SCN9A: variants seen among roughly 807,000 people sequenced by gnomAD.
The protein encoded by SCN9A is sodium voltage-gated channel alpha subunit 9.
SCN9A carries 131 observed loss-of-function variants against 187.0 expected under a neutral mutation model. The observed-to-expected ratio is 0.70, with a 90% confidence interval of 0.61 to 0.81. SCN9A has a LOEUF of 0.81. Among genes scored for constraint, SCN9A ranks in the 30% least tolerant of loss-of-function variants. SCN9A has a pLI of 0.00. For missense variants in SCN9A, 2,252 were observed against 2,396.6 expected (o/e 0.94, Z 1.26); for synonymous variants, 809 against 808.6 (o/e 1.00, Z -0.01).
At chr2:166,343,192 A>G (rs557732835) in intron 1 of SCN9A, among the ~76,000 whole-genome samples, 2 of 152,160 alleles carry the variant, frequency 1.3e-5, no homozygotes, top group African/African-American at 2.4e-5. Context: ...TATAGGAAAA[A>G]AATTATAGAT....
chr2:166,368,393 G>A (rs1171375373), intron 1 of SCN9A, among the ~76,000 whole-genome samples: 1 of 152,162 alleles, frequency 6.6e-6, no homozygotes, highest in Non-Finnish European at 1.5e-5. Flanking sequence ...CAACACTTTA[G>A]AAGGCCGAGG....
intron 17 of SCN9A, among the ~76,000 whole-genome samples, chr2:166,264,797 T>C (rs879380244): frequency 4.6e-5 from 7 of 151,896 alleles, no homozygotes; most frequent in Admixed American, 4.6e-4. Context: ...GTGATGTTTT[T>C]TCCCCTTGCT....
At chr2:166,217,886 A>G (rs1694404054) in intron 24 of SCN9A, among the ~76,000 whole-genome samples, 1 of 152,058 alleles carries the variant, frequency 6.6e-6, no homozygotes, top group Non-Finnish European at 1.5e-5. Context: ...TAATTCCTTT[A>G]GAGGAATTAA....
At chr2:166,317,613 T>A (rs538840251) in intron 1 of SCN9A, among the ~76,000 whole-genome samples, 5 of 152,360 alleles carry the variant, frequency 3.3e-5, no homozygotes, top group East Asian at 1.9e-4. Context: ...TATATAGATA[T>A]GTTTTATCTA....
chr2:166,341,408 C>A lies in SCN9A; in HGVS notation c.-50-29602G>T, dbSNP rs1699782163. Among the ~76,000 whole-genome samples, 4 of 152,312 alleles carry A rather than the reference C, an allele frequency of 2.6e-5. No individual in the cohort carries two copies. The South Asian group carries it at 6.2e-4, about 24-fold the overall frequency. ...GTTTAAGGAAACATTGAAGCTATGA[C>A]CAGAAGTCAGGCTTTGAGCTTTGAG... On this transcript the variant is annotated intron_variant, in intron 1 of 26. Coordinates refer to ENST00000642356, the MANE Select transcript of SCN9A (RefSeq NM_001365536.1).
intron 19 of SCN9A, among the ~76,000 whole-genome samples, chr2:166,241,604 C>T (rs1695567444): frequency 6.6e-6 from 1 of 152,112 alleles, no homozygotes; most frequent in Non-Finnish European, 1.5e-5. Flanking sequence ...TTCCCCTCAG[C>T]CTGCCTTGCC....
chr2:166,312,586 T>G (rs1395985699), intron 1 of SCN9A, among the ~76,000 whole-genome samples: 1 of 152,208 alleles, frequency 6.6e-6, no homozygotes, highest in East Asian at 1.9e-4. Context: ...ATTTTCAATT[T>G]ACTTTTCCCA....
chr2:166,356,089 C>T (rs774251259), intron 1 of SCN9A, among the ~76,000 whole-genome samples: 1 of 152,106 alleles, frequency 6.6e-6, no homozygotes, highest in Non-Finnish European at 1.5e-5. Flanking sequence ...GTTTTTCACA[C>T]AGTCCCTGGA....
chr2:166,328,209 G>A lies in SCN9A; in HGVS notation c.-50-16403C>T, dbSNP rs115473061. On this transcript the variant is annotated intron_variant, in intron 1 of 26. Coordinates refer to ENST00000642356, the MANE Select transcript of SCN9A (RefSeq NM_001365536.1). ...CAGTATTGGTTACATGGTTTGTTTC[G>A]TTTGTGAAGAATTCATCAAACTATA... Among the ~76,000 whole-genome samples, 711 of 152,118 alleles carry A rather than the reference G, an allele frequency of 4.7e-3. 7 individuals carry two copies. Among genetic ancestry groups the A allele is most frequent in the African/African-American group, 0.016 (662 of 41,498 alleles).
chr2:166,336,408 T>C (rs577747466), intron 1 of SCN9A, among the ~76,000 whole-genome samples: 12 of 152,240 alleles, frequency 7.9e-5, no homozygotes, highest in African/African-American at 2.9e-4. Flanking sequence ...TTTCATATAC[T>C]GTATAGATAT....
At chr2:166,374,957 A>G (rs1700653960) in intron 1 of SCN9A, among the ~76,000 whole-genome samples, 1 of 152,032 alleles carries the variant, frequency 6.6e-6, no homozygotes, top group African/African-American at 2.4e-5. Context: ...AATGTTTACT[A>G]TAATCACAAA....
intron 17 of SCN9A, among the ~76,000 whole-genome samples, chr2:166,268,117 G>A (rs1475454225): frequency 6.6e-6 from 1 of 151,876 alleles, no homozygotes; most frequent in Non-Finnish European, 1.5e-5. Context: ...TGTACATTGA[G>A]CACTTTTCAA....
chr2:166,302,893 C>T (rs1698617274), intron 7 of SCN9A, 197 bp downstream of exon 7: 2 of 482,322 alleles, frequency 4.1e-6, no homozygotes, highest in African/African-American at 2.0e-5. Flanking sequence ...TTCCTTTTGC[C>T]AGTACTGCTA....
rs577251859 is a variant in SCN9A at position 166,221,546 on chromosome 2, G to A, written c.4398+5021C>T. Among the ~76,000 whole-genome samples the A allele has an allele frequency of 2.0e-5, 3 of 152,162 alleles. No individual in the cohort carries two copies. In the South Asian group the frequency reaches 6.2e-4, roughly 32 times the overall value. ...CTCCTAAGTAGCTAGGACTATAGGT[G>A]TGTGCCATCATGCTTGGCTACTTTT... On this transcript the variant is annotated intron_variant, in intron 24 of 26. Coordinates refer to ENST00000642356, the MANE Select transcript of SCN9A (RefSeq NM_001365536.1).
In SCN9A at chr2:166,249,086, C is replaced by G. The variant is rs370707234; in HGVS notation, c.3472+2679G>C. Among the ~76,000 whole-genome samples the G allele has an allele frequency of 9.2e-5, 14 of 152,182 alleles. No homozygotes were observed. In the South Asian group the frequency reaches 2.9e-3, roughly 32 times the overall value. On this transcript the variant is annotated intron_variant, in intron 18 of 26. Coordinates refer to ENST00000642356, the MANE Select transcript of SCN9A (RefSeq NM_001365536.1). Reference sequence around the variant, plus strand: ...CCTTGGGGCATGTGCCTTCATTACTCTGCCTAAAATACTTTCCCTCCATAT... The same window carrying G: ...CCTTGGGGCATGTGCCTTCATTACTGTGCCTAAAATACTTTCCCTCCATAT...
intron 24 of SCN9A, among the ~76,000 whole-genome samples, chr2:166,222,984 A>C (rs1221813132): frequency 7.5e-6 from 1 of 133,274 alleles, no homozygotes; most frequent in Non-Finnish European, 1.6e-5. Flanking sequence ...AGCAACAAAA[A>C]ACCGTAAAGA....
intron 5 of SCN9A, among the ~76,000 whole-genome samples, chr2:166,305,522 T>C (rs1698724956): frequency 6.6e-6 from 1 of 152,136 alleles, no homozygotes; most frequent in South Asian, 2.1e-4. Context: ...GTAAACCTAA[T>C]TGGCACTGCA....
intron 24 of SCN9A, among the ~76,000 whole-genome samples, chr2:166,210,312 G>T (rs1021919839): frequency 2.0e-5 from 3 of 151,940 alleles, no homozygotes; most frequent in African/African-American, 4.8e-5. Context: ...GTTGTGGGGT[G>T]GGGGGAGGAG....
chr2:166,360,175 G>A (rs191206839), intron 1 of SCN9A, among the ~76,000 whole-genome samples: 2 of 138,604 alleles, frequency 1.4e-5, no homozygotes, highest in East Asian at 4.1e-4. Flanking sequence ...GCTGAGATCG[G>A]GCCATTGCAC....
Sources: gnomAD v4.1 joint callset for allele counts (sites outside exome capture counted in the v4.1 genomes callset) on GRCh38, gnomAD v4.1.1 for gene constraint, MANE v1.5 for transcripts, NCBI Gene and HGNC (gene_info 2026-07-23, HGNC 2026-07-21) for gene names.